The following TMEM178B variants were observed in gnomAD, a reference collection of about 807,000 sequenced individuals.
The protein encoded by TMEM178B is transmembrane protein 178B.
TMEM178B carries 5 observed loss-of-function variants against 31.0 expected under a neutral mutation model. The ratio of observed to expected loss-of-function variants is 0.16; its 90% CI spans 0.08 to 0.34. The LOEUF is 0.34. TMEM178B is among the 10% of genes least tolerant of loss of function. TMEM178B has a pLI of 1.00. For missense variants in TMEM178B, 275 were observed against 400.3 expected, an observed-to-expected ratio of 0.69 and a Z score of 2.67; for synonymous variants, 164 against 164.0, an observed-to-expected ratio of 1.00 and a Z score of 0.00.
chr7:141,255,966 TCATCCATC>T (rs200644068), intron 2 of TMEM178B, among the ~76,000 whole-genome samples: 5 of 151,982 alleles, frequency 3.3e-5, no homozygotes, highest in East Asian at 3.9e-4. Context: ...GAGAAACCTG[TCATCCATC>T]CATCCATCCA....
intron 2 of TMEM178B, among the ~76,000 whole-genome samples, chr7:141,299,422 G>A (rs528161556): frequency 6.6e-6 from 1 of 152,256 alleles, no homozygotes; most frequent in South Asian, 2.1e-4. Flanking sequence ...CCACGAGCAG[G>A]TTCCCAGAAT....
At chr7:141,127,673 G>C (rs763182062) in intron 1 of TMEM178B, among the ~76,000 whole-genome samples, 3 of 152,174 alleles carry the variant, frequency 2.0e-5, no homozygotes, top group Non-Finnish European at 4.4e-5. Context: ...AATTGTGAGA[G>C]AGTAGATTTC....
chr7:141,210,601 T>G (rs2129187591), intron 1 of TMEM178B, among the ~76,000 whole-genome samples: 1 of 152,200 alleles, frequency 6.6e-6, no homozygotes, highest in South Asian at 2.1e-4. Flanking sequence ...CCAGAACCCA[T>G]AAATAGGTTC....
chr7:141,455,916 T>G (rs1801953413), intron 3 of TMEM178B, among the ~76,000 whole-genome samples: 1 of 152,254 alleles, frequency 6.6e-6, no homozygotes, highest in Non-Finnish European at 1.5e-5. Flanking sequence ...AGCTTCTCCC[T>G]CTACTAATTA....
intron 1 of TMEM178B, among the ~76,000 whole-genome samples, chr7:141,078,625 A>G (rs1225966115): frequency 1.3e-5 from 2 of 152,210 alleles, no homozygotes; most frequent in African/African-American, 2.4e-5. Context: ...ACAGAAACAG[A>G]TGCAGAGGAA....
chr7:141,357,796 A>G (rs1218227569), intron 2 of TMEM178B, among the ~76,000 whole-genome samples: 1 of 152,222 alleles, frequency 6.6e-6, no homozygotes, highest in Non-Finnish European at 1.5e-5. Flanking sequence ...TTTGATAACT[A>G]GGTAGCATTA....
chr7:141,421,337 A>G (rs565647207), intron 2 of TMEM178B, among the ~76,000 whole-genome samples: 88 of 152,312 alleles, frequency 5.8e-4, no homozygotes, highest in African/African-American at 2.0e-3. Context: ...TGCACCTGTT[A>G]AATACACATT....
intron 1 of TMEM178B, among the ~76,000 whole-genome samples, chr7:141,110,878 G>C (rs1795224425): frequency 6.6e-6 from 1 of 152,160 alleles, no homozygotes; most frequent in Non-Finnish European, 1.5e-5. Context: ...TCGCTGTCTT[G>C]TTCTCCAACT....
chr7:141,339,262 A>G (rs1383930104), intron 2 of TMEM178B, among the ~76,000 whole-genome samples: 1 of 152,100 alleles, frequency 6.6e-6, no homozygotes, highest in Non-Finnish European at 1.5e-5. Flanking sequence ...TCGTTTCCAC[A>G]CTGGACAGCT....
intron 2 of TMEM178B, among the ~76,000 whole-genome samples, chr7:141,323,766 G>A (rs993859021): frequency 2.6e-5 from 4 of 151,850 alleles, no homozygotes; most frequent in African/African-American, 7.3e-5. Flanking sequence ...TATGAGACAC[G>A]GACAATGAAC....
chr7:141,144,007 A>G (rs1337461483), intron 1 of TMEM178B, among the ~76,000 whole-genome samples: 2 of 151,926 alleles, frequency 1.3e-5, no homozygotes, highest in Non-Finnish European at 2.9e-5. Context: ...TGCGTTCTTG[A>G]TTTGGCTCTC....
chr7:141,351,447 A>G (rs1799720686), intron 2 of TMEM178B, among the ~76,000 whole-genome samples: 1 of 152,204 alleles, frequency 6.6e-6, no homozygotes, highest in South Asian at 2.1e-4. Context: ...CAGGTTTCTG[A>G]GAGAGAGCAG....
intron 2 of TMEM178B, among the ~76,000 whole-genome samples, chr7:141,391,512 A>AT (rs943631901): frequency 4.2e-4 from 64 of 152,040 alleles, no homozygotes; most frequent in Non-Finnish European, 7.9e-4. Flanking sequence ...GCTTGAAGTG[A>AT]TTTTTTTTAT....
At chr7:141,416,120 G>A (rs777459781) in intron 2 of TMEM178B, 20 of 152,892 alleles carry the variant, frequency 1.3e-4, no homozygotes, top group Non-Finnish European at 1.5e-5. Context: ...CTTGCTGTGT[G>A]TTCTCTTGTG....
intron 1 of TMEM178B, among the ~76,000 whole-genome samples, chr7:141,076,166 A>G (rs888048472): frequency 1.3e-5 from 2 of 152,240 alleles, no homozygotes; most frequent in Non-Finnish European, 2.9e-5. Flanking sequence ...GTAAAGATGT[A>G]CAGAATATTA....
chr7:141,378,939 G>T (rs562092286), intron 2 of TMEM178B, among the ~76,000 whole-genome samples: 104 of 152,310 alleles, frequency 6.8e-4, no homozygotes, highest in Admixed American at 3.0e-3. Flanking sequence ...CACCCTAGAT[G>T]TGCAAGTTAT....
intron 2 of TMEM178B, among the ~76,000 whole-genome samples, chr7:141,385,130 A>G (rs1303419269): frequency 2.0e-5 from 3 of 152,120 alleles, no homozygotes; most frequent in Non-Finnish European, 4.4e-5. Flanking sequence ...AGGTCACCCA[A>G]TTTTTTTCTA....
At chr7:141,272,295 A>G (rs1197228926) in intron 2 of TMEM178B, among the ~76,000 whole-genome samples, 1 of 152,214 alleles carries the variant, frequency 6.6e-6, no homozygotes, top group Non-Finnish European at 1.5e-5. Flanking sequence ...TTGGGCCATT[A>G]CCTGTGAAGG....
chr7:141,108,356 A>T (rs778071727), intron 1 of TMEM178B, among the ~76,000 whole-genome samples: 1 of 152,212 alleles, frequency 6.6e-6, no homozygotes, highest in Non-Finnish European at 1.5e-5. Flanking sequence ...GAGTGATGTT[A>T]TTGAATAAGC....
Sources: allele counts gnomAD v4.1 joint callset (sites outside exome capture counted in the v4.1 genomes callset), GRCh38; gene constraint gnomAD v4.1.1; transcripts MANE v1.5; gene names NCBI Gene and HGNC (gene_info 2026-07-23, HGNC 2026-07-21).